Variants in FRMD6 observed in about 807,000 individuals in gnomAD.
FRMD6 encodes the protein FERM domain-containing protein 6.
A neutral mutation model predicts 73.2 loss-of-function variants in FRMD6; 37 were observed. That is an observed-to-expected ratio of 0.51 (90% confidence interval 0.39 to 0.66). The LOEUF is 0.66. FRMD6 is among the 30% of genes least tolerant of loss of function. FRMD6 has a pLI of 0.00. For missense variants in FRMD6, 714 were observed against 780.5 expected (o/e 0.91, Z 1.02); for synonymous variants, 273 against 282.2 (o/e 0.97, Z 0.33).
At chr14:51,490,080 A>T (rs1307371146) in intron 1 of FRMD6, among the ~76,000 whole-genome samples, 1 of 152,240 alleles carries the variant, frequency 6.6e-6, no homozygotes, top group Admixed American at 6.5e-5. Context: ...CTGTACAATG[A>T]ATACAATGAG....
At chr14:51,669,113 A>G (rs768248283) in intron 1 of FRMD6, among the ~76,000 whole-genome samples, 3 of 152,202 alleles carry the variant, frequency 2.0e-5, no homozygotes, top group Non-Finnish European at 2.9e-5. Flanking sequence ...GTCAAGCCAA[A>G]AAGTTTCCTA....
At chr14:51,625,158 GT>G (rs1211140579) in intron 2 of FRMD6, among the ~76,000 whole-genome samples, 1 of 152,204 alleles carries the variant, frequency 6.6e-6, no homozygotes, top group Admixed American at 6.5e-5. Flanking sequence ...AAACAGGGCA[GT>G]TTGGGGGCAC....
intron 1 of FRMD6, among the ~76,000 whole-genome samples, chr14:51,542,775 C>T (rs1596563775): frequency 6.6e-6 from 1 of 152,044 alleles, no homozygotes; most frequent in South Asian, 2.1e-4. Context: ...CTCACCAACA[C>T]TTATTATACT....
intron 1 of FRMD6, among the ~76,000 whole-genome samples, chr14:51,657,824 C>T (rs1294622205): frequency 6.6e-6 from 1 of 151,990 alleles, no homozygotes; most frequent in Non-Finnish European, 1.5e-5. Context: ...AATATACCAA[C>T]TAGATATCAC....
At chr14:51,512,601 G>A (rs914461294) in intron 1 of FRMD6, among the ~76,000 whole-genome samples, 4 of 151,912 alleles carry the variant, frequency 2.6e-5, no homozygotes, top group African/African-American at 7.3e-5. Context: ...GATAGCTGAT[G>A]TAATGTTTCT....
intron 1 of FRMD6, among the ~76,000 whole-genome samples, chr14:51,558,631 C>T (rs544835743): frequency 6.6e-5 from 10 of 152,106 alleles, no homozygotes; most frequent in African/African-American, 2.4e-4. Context: ...TAATTACATG[C>T]CTTTCCCAAT....
chr14:51,676,484 GTAGT>G (rs1894398252), intron 1 of FRMD6, among the ~76,000 whole-genome samples: 1 of 152,136 alleles, frequency 6.6e-6, no homozygotes, highest in Non-Finnish European at 1.5e-5. Flanking sequence ...TGGTTACATG[GTAGT>G]TAAACTCTGC....
chr14:51,442,018 G>A, the FRMD6 span, among the ~76,000 whole-genome samples: 2,606 of 152,252 alleles, frequency 0.017, 35 homozygotes, highest in Middle Eastern at 0.048. Context: ...GTTATCATCC[G>A]TGTGTGTGCT....
At chr14:51,467,106 G>A in the FRMD6 span, among the ~76,000 whole-genome samples, 49 of 152,302 alleles carry the variant, frequency 3.2e-4, no homozygotes, top group African/African-American at 9.6e-4. Context: ...TAGGCAGAGG[G>A]CCCTGCCGCC....
At chr14:51,531,452 A>G (rs753410694) in intron 1 of FRMD6, among the ~76,000 whole-genome samples, 4 of 152,232 alleles carry the variant, frequency 2.6e-5, no homozygotes, top group African/African-American at 9.6e-5. Flanking sequence ...AGGTATTATT[A>G]TCACAGCCAC....
intron 2 of FRMD6, among the ~76,000 whole-genome samples, chr14:51,583,550 A>G (rs1234501726): frequency 6.6e-6 from 1 of 152,222 alleles, no homozygotes; most frequent in Non-Finnish European, 1.5e-5. Context: ...GTGTTTTCAT[A>G]TATTAACACA....
the FRMD6 span, among the ~76,000 whole-genome samples, chr14:51,435,272 T>C: frequency 4.8e-4 from 73 of 152,242 alleles, 5 homozygotes; most frequent in South Asian, 0.015. Flanking sequence ...AAGTCCAAAA[T>C]TATTTCAAAA....
At chr14:51,472,346 C>G in the FRMD6 span, among the ~76,000 whole-genome samples, 1 of 152,068 alleles carries the variant, frequency 6.6e-6, no homozygotes, top group Non-Finnish European at 1.5e-5. Context: ...CTCTGTCGCC[C>G]AGGCTGGAGT....
intron 1 of FRMD6, among the ~76,000 whole-genome samples, chr14:51,506,989 A>T (rs1468507864): frequency 2.0e-5 from 3 of 152,090 alleles, no homozygotes; most frequent in African/African-American, 7.2e-5. Context: ...AGGAATGTGT[A>T]TTATAATGTT....
intron 5 of FRMD6, chr14:51,704,539 A>C (rs1896512492): frequency 3.9e-6 from 2 of 517,694 alleles, no homozygotes; most frequent in Admixed American, 6.5e-5. Context: ...TATTGTCTGG[A>C]TAGTCTGATT....
the FRMD6 span, among the ~76,000 whole-genome samples, chr14:51,459,746 G>C: frequency 7.3e-6 from 1 of 137,026 alleles, no homozygotes; most frequent in Non-Finnish European, 1.5e-5. Flanking sequence ...AGAATGGTGT[G>C]AACCCGGGAG....
intron 2 of FRMD6, chr14:51,584,069 C>A (rs148426227): frequency 1.1e-4 from 16 of 152,290 alleles, no homozygotes; most frequent in African/African-American, 3.6e-4. Flanking sequence ...ACTTATAACA[C>A]TAGAAGGACC....
chr14:51,630,777 G>A (rs1024507108), intron 2 of FRMD6, among the ~76,000 whole-genome samples: 2 of 152,086 alleles, frequency 1.3e-5, no homozygotes, highest in African/African-American at 4.8e-5. Flanking sequence ...AAGCCTTAAT[G>A]AGCAGGTGGA....
At chr14:51,581,908 C>T (rs1026574551) in intron 2 of FRMD6, among the ~76,000 whole-genome samples, 13 of 152,184 alleles carry the variant, frequency 8.5e-5, no homozygotes, top group African/African-American at 2.7e-4. Context: ...AGCAAATCCT[C>T]ATAAGGGAAC....
Sources: gnomAD v4.1 joint callset for allele counts (sites outside exome capture counted in the v4.1 genomes callset) on GRCh38, gnomAD v4.1.1 for gene constraint, MANE v1.5 for transcripts, NCBI Gene and HGNC (gene_info 2026-07-23, HGNC 2026-07-21) for gene names.